CYRIA: variants seen among roughly 807,000 people sequenced by gnomAD.
CYRIA encodes CYFIP related Rac1 interactor A, also known as CYFIP-related Rac1 interactor A.
A neutral mutation model predicts 43.9 loss-of-function variants in CYRIA; 15 were observed. That is an observed-to-expected ratio of 0.34 (90% CI 0.23 to 0.53). The LOEUF (loss-of-function observed/expected upper bound fraction) is 0.53. Ranked by LOEUF, CYRIA falls within the 20% of genes least tolerant of loss-of-function variation. CYRIA has a pLI of 0.94. For missense variants in CYRIA, 236 were observed against 394.2 expected, an observed-to-expected ratio of 0.60 and a Z score of 3.40; for synonymous variants, 117 against 136.0, an observed-to-expected ratio of 0.86 and a Z score of 0.97.
At position 16,552,985 on chromosome 2, in the gene CYRIA, T is replaced by C; in HGVS notation, c.923A>G (p.His308Arg). Reference sequence around the variant, plus strand: ...TTTGGAAGTTGATTCATCGTTCAAGTGCTTTGTAGTGAACCTGGATGGAGA... The same window carrying C: ...TTTGGAAGTTGATTCATCGTTCAAGCGCTTTGTAGTGAACCTGGATGGAGA... ...LLNALRFTTK[H>R]LNDESTSKQI... The change falls in exon 12 of 12, where the codon CAC becomes CGC. Residue 308 changes from histidine to arginine, a missense_variant. By Grantham distance (29) the His-to-Arg change is conservative. Transcript: ENST00000381323. 6.2e-7 allele frequency: 1 copy of C among 1,607,494 alleles called. No homozygotes were observed. The highest frequency in any genetic ancestry group is 1.1e-5 in the South Asian group (1 of 90,962).
chr2:16,613,249 C>T (rs1235334704), intron 2 of CYRIA, among the ~76,000 whole-genome samples: 1 of 152,216 alleles, frequency 6.6e-6, no homozygotes, highest in Non-Finnish European at 1.5e-5. Flanking sequence ...CAGGTATTTA[C>T]TGCCTCCACC....
chr2:16,576,233 G>A (rs1179911177), intron 3 of CYRIA, among the ~76,000 whole-genome samples: 1 of 152,142 alleles, frequency 6.6e-6, no homozygotes, highest in Non-Finnish European at 1.5e-5. Context: ...CATTTATTGG[G>A]TACTTGTTAT....
intron 1 of CYRIA, among the ~76,000 whole-genome samples, chr2:16,644,125 A>G (rs1490892458): frequency 6.6e-6 from 1 of 152,244 alleles, no homozygotes; most frequent in African/African-American, 2.4e-5. Flanking sequence ...GTTTCCTTAT[A>G]TAATAAAACG....
Position 16,660,617 on chromosome 2 carries a change from C to T in CYRIA, c.-167+5163G>A, listed in dbSNP as rs897347383. On this transcript the variant is annotated intron_variant, in intron 1 of 11. Coordinates refer to ENST00000381323, the MANE Select transcript of CYRIA (RefSeq NM_030797.4). ...CACAACACAGAGCAAGAACCCACCCCGTACATATTTGTCAAATGAATAATC... is the reference window on the plus strand; with the variant it reads ...CACAACACAGAGCAAGAACCCACCCTGTACATATTTGTCAAATGAATAATC... Among the ~76,000 whole-genome samples, 10 of 152,260 alleles carry T rather than the reference C, an allele frequency of 6.6e-5. No individual in the cohort carries two copies. In the South Asian group the frequency reaches 1.5e-3, roughly 22 times the overall value.
intron 1 of CYRIA, among the ~76,000 whole-genome samples, chr2:16,652,942 G>T (rs1428867456): frequency 1.3e-5 from 2 of 152,132 alleles, no homozygotes; most frequent in Non-Finnish European, 2.9e-5. Flanking sequence ...TTTCTTCAAA[G>T]TTCCAATGTT....
At chr2:16,564,921 C>T (rs1040473616) in intron 4 of CYRIA, among the ~76,000 whole-genome samples, 1 of 152,172 alleles carries the variant, frequency 6.6e-6, no homozygotes, top group Non-Finnish European at 1.5e-5. Flanking sequence ...TTGTGTATCA[C>T]ACTGGTGGAA....
intron 2 of CYRIA, among the ~76,000 whole-genome samples, chr2:16,609,165 T>C (rs148431359): frequency 0.018 from 2,727 of 152,246 alleles, 34 homozygotes; most frequent in Non-Finnish European, 0.029. Context: ...CTGCAGACAT[T>C]TGCTCATTCA....
intron 2 of CYRIA, among the ~76,000 whole-genome samples, chr2:16,609,728 T>C: frequency 6.6e-6 from 1 of 152,344 alleles, no homozygotes; most frequent in Non-Finnish European, 1.5e-5. Context: ...TACATATATG[T>C]GGAATAAATA....
At chr2:16,588,254 T>G (rs1667803810) in intron 2 of CYRIA, 125 bp from the exon 3 acceptor site, 1 of 572,688 alleles carries the variant, frequency 1.7e-6, no homozygotes. Context: ...AACCCAGGGG[T>G]TGAGCAATAA....
At chr2:16,579,462 CTT>C (rs908795332) in intron 3 of CYRIA, among the ~76,000 whole-genome samples, 7 of 151,632 alleles carry the variant, frequency 4.6e-5, no homozygotes, top group East Asian at 3.9e-4. Flanking sequence ...CTCTCTCTCT[CTT>C]AAATGATAAT....
intron 1 of CYRIA, among the ~76,000 whole-genome samples, chr2:16,643,717 T>C (rs1264294438): frequency 1.3e-5 from 2 of 152,206 alleles, no homozygotes. Flanking sequence ...CACATCAGTG[T>C]TGCCCACTGT....
chr2:16,621,286 T>C (rs569828335), intron 2 of CYRIA, among the ~76,000 whole-genome samples: 3 of 152,194 alleles, frequency 2.0e-5, no homozygotes, highest in African/African-American at 7.2e-5. Context: ...GGAAAATTCC[T>C]ACTCTAGCAA....
intron 1 of CYRIA, among the ~76,000 whole-genome samples, chr2:16,635,961 G>C (rs1430378309): frequency 6.6e-6 from 1 of 152,094 alleles, no homozygotes; most frequent in East Asian, 1.9e-4. Context: ...AACAGCGTTG[G>C]ATAAGAAACG....
At chr2:16,580,993 A>G (rs538696999) in intron 3 of CYRIA, among the ~76,000 whole-genome samples, 21 of 152,354 alleles carry the variant, frequency 1.4e-4, no homozygotes, top group African/African-American at 4.3e-4. Context: ...GCTTAAAACA[A>G]TACAGCTTTC....
chr2:16,619,922 G>A (rs1040110166), intron 2 of CYRIA, among the ~76,000 whole-genome samples: 4 of 152,148 alleles, frequency 2.6e-5, no homozygotes, highest in African/African-American at 4.8e-5. Flanking sequence ...CAAATCATAT[G>A]GCTCCTTTTG....
chr2:16,565,530 T>C (rs1008152869), intron 4 of CYRIA, 116 bp downstream of exon 4: 16 of 1,245,070 alleles, frequency 1.3e-5, no homozygotes, highest in Non-Finnish European at 1.5e-5. Context: ...TTGTTCTTCC[T>C]GGTACTCTAG....
intron 5 of CYRIA, among the ~76,000 whole-genome samples, chr2:16,563,183 G>A (rs1666808823): frequency 6.6e-6 from 1 of 152,234 alleles, no homozygotes; most frequent in East Asian, 1.9e-4. Context: ...AACCCTTTGA[G>A]GAAACATAGA....
chr2:16,579,812 A>G (rs1357138022), intron 3 of CYRIA, among the ~76,000 whole-genome samples: 2 of 152,174 alleles, frequency 1.3e-5, no homozygotes, highest in African/African-American at 2.4e-5. Flanking sequence ...ACCAAGATAG[A>G]CTCAAATATA....
intron 1 of CYRIA, among the ~76,000 whole-genome samples, chr2:16,633,593 C>T (rs1669402957): frequency 7.8e-6 from 1 of 127,506 alleles, no homozygotes; most frequent in African/African-American, 3.0e-5. Context: ...GGGGTTTCAC[C>T]ATGTTGCCAA....
Sources: allele counts gnomAD v4.1 joint callset (sites outside exome capture counted in the v4.1 genomes callset), GRCh38; gene constraint gnomAD v4.1.1; transcripts MANE v1.5; gene names NCBI Gene and HGNC (gene_info 2026-07-23, HGNC 2026-07-21).